SORL1: variants seen among roughly 807,000 people sequenced by gnomAD.
SORL1 encodes sortilin related receptor 1.
Under a neutral mutation model 273.7 loss-of-function variants are expected in SORL1, and 127 were observed. That is an observed-to-expected ratio of 0.46 (90% CI 0.40 to 0.54). The LOEUF (loss-of-function observed/expected upper bound fraction) is 0.54, where lower values mean the gene tolerates loss of function less well. SORL1 is among the 20% of genes least tolerant of loss of function. The pLI is 0.00. For synonymous variants in SORL1, 1,031 were observed against 1,067.4 expected (o/e 0.97, Z 0.66); for missense variants, 2,494 against 2,846.1 (o/e 0.88, Z 2.81).
chr11:121,479,857 C>G (rs1264816608), intron 3 of SORL1, among the ~76,000 whole-genome samples: 1 of 152,150 alleles, frequency 6.6e-6, no homozygotes, highest in Non-Finnish European at 1.5e-5. Flanking sequence ...CCTTTCTTAC[C>G]TAACTCCAGG....
At chr11:121,514,026 T>G (rs1861915943) in intron 7 of SORL1, 126 bp from the exon 8 acceptor site, 1 of 1,041,808 alleles carries the variant, frequency 9.6e-7, no homozygotes, top group Non-Finnish European at 1.4e-6. Flanking sequence ...TTAGGGAGCT[T>G]CCCGTGGGCT....
At chr11:121,622,393 T>A in intron 45 of SORL1, 125 bp downstream of exon 45, 1 of 593,238 alleles carries the variant, frequency 1.7e-6, no homozygotes, top group Non-Finnish European at 3.0e-6. Context: ...GAATAGGACA[T>A]GGACATGAAC....
In SORL1 at chr11:121,469,997, T is replaced by TC; in HGVS notation, c.286-9dup. On this transcript the variant is annotated splice_polypyrimidine_tract_variant and intron_variant, in intron 1 of 47. Transcript: ENST00000260197. ...TCGTGGGTCCTAATTCCTACATTGA[T>TC]CTCTTTCAGGTTAGTCTGAATGATT... is the stretch of plus-strand genomic sequence containing the variant. 6.3e-7 allele frequency: 1 copy of TC among 1,580,272 alleles called. No individual in the cohort carries two copies. Among genetic ancestry groups the TC allele is most frequent in the Non-Finnish European group, 8.7e-7 (1 of 1,149,060 alleles).
In SORL1 at chr11:121,471,416, G is replaced by A. The variant is rs1163150101; in HGVS notation, c.402+1293G>A. 2.6e-5 allele frequency among the ~76,000 whole-genome samples: 4 copies of A among 152,324 alleles called. No individual in the cohort carries two copies. The South Asian group carries it at 8.3e-4, about 32-fold the overall frequency. On this transcript the variant is annotated intron_variant, in intron 2 of 47. Transcript: ENST00000260197. ...AAAACACATGTAAGGGCCAAAGCTCGCCCAACGGCTGGTCCCAGGTCTGCG... is the reference window on the plus strand; with the variant it reads ...AAAACACATGTAAGGGCCAAAGCTCACCCAACGGCTGGTCCCAGGTCTGCG...
intron 22 of SORL1, among the ~76,000 whole-genome samples, chr11:121,569,885 G>A (rs1056568076): frequency 2.0e-5 from 3 of 152,104 alleles, no homozygotes; most frequent in Non-Finnish European, 4.4e-5. Context: ...GGGGCATCAC[G>A]GAACCTGCCG....
At chr11:121,616,500 C>T (rs1156450491) in intron 41 of SORL1, among the ~76,000 whole-genome samples, 1 of 152,188 alleles carries the variant, frequency 6.6e-6, no homozygotes, top group African/African-American at 2.4e-5. Flanking sequence ...AGAGACACCC[C>T]ATCCCTGGCG....
chr11:121,555,113 C>A, intron 17 of SORL1, 74 bp from the exon 18 acceptor site: 2 of 1,474,734 alleles, frequency 1.4e-6, no homozygotes, highest in Non-Finnish European at 1.8e-6. Flanking sequence ...TAAAGGGTTA[C>A]CCTTCATGGG....
chr11:121,519,280 G>C (rs1408572981), intron 8 of SORL1, among the ~76,000 whole-genome samples: 1 of 151,990 alleles, frequency 6.6e-6, no homozygotes, highest in Non-Finnish European at 1.5e-5. Flanking sequence ...TATGAACCCT[G>C]GTTACAATTT....
At chr11:121,579,457 C>A (rs757040973) in intron 25 of SORL1, among the ~76,000 whole-genome samples, 1 of 152,192 alleles carries the variant, frequency 6.6e-6, no homozygotes. Flanking sequence ...CTTTGCTTTT[C>A]TTTTCGCCAC....
Position 121,590,134 on chromosome 11 carries a change from G to A in SORL1, c.4173G>A (p.Glu1391=), listed in dbSNP as rs1203391125. 6.2e-7 allele frequency: 1 copy of A among 1,614,220 alleles called. No individual in the cohort carries two copies. The highest frequency in any genetic ancestry group is 8.5e-7 in the Non-Finnish European group (1 of 1,180,024). ...CCAACAGATGGAAATGTGACAGGGA[G>A]AACGACTGTGGGGACTGGTCTGATG... ...CIPNRWKCDR[E]NDCGDWSDEK... Residue 1391 remains glutamate, a synonymous_variant, in exon 30 of 48, where the codon GAG becomes GAA. Transcript: ENST00000260197.
At chr11:121,558,014 TG>T (rs1024807602) in intron 19 of SORL1, among the ~76,000 whole-genome samples, 11 of 152,238 alleles carry the variant, frequency 7.2e-5, no homozygotes, top group African/African-American at 2.7e-4. Flanking sequence ...CAGCACTTTA[TG>T]AAAAAAATTT....
At chr11:121,587,911 A>G in intron 27 of SORL1, 109 bp from the exon 28 acceptor site, 1 of 1,326,090 alleles carries the variant, frequency 7.5e-7, no homozygotes, top group Non-Finnish European at 1.1e-6. Flanking sequence ...TGTGGCTTTT[A>G]CTGTTGCTTC....
chr11:121,592,110 C>G (rs969129963), intron 31 of SORL1, among the ~76,000 whole-genome samples: 1 of 152,210 alleles, frequency 6.6e-6, no homozygotes, highest in African/African-American at 2.4e-5. Context: ...AAGCTAGATT[C>G]CTGATCTTCT....
intron 31 of SORL1, 85 bp downstream of exon 31, chr11:121,591,241 C>T (rs913299821): frequency 1.1e-5 from 16 of 1,446,290 alleles, no homozygotes; most frequent in East Asian, 9.1e-5. Context: ...ACAATCCAAC[C>T]GGGCCCCATG....
chr11:121,488,247 G>C lies in SORL1; in HGVS notation c.690+54G>C, dbSNP rs904138893. The C allele has an allele frequency of 3.2e-6, 5 of 1,574,546 alleles. No individual in the cohort carries two copies. The African/African-American group carries it at 5.4e-5, about 17-fold the overall frequency. ...TGGGGCTCCTCTAGTTTTCTCCTCT[G>C]CCTGTGTGGATTGTGTGTCCTTTGA... On this transcript the variant is annotated intron_variant, in intron 4 of 47. Coordinates refer to ENST00000260197, the MANE Select transcript of SORL1 (RefSeq NM_003105.6).
At chr11:121,618,190 G>T (rs552018779) in intron 41 of SORL1, among the ~76,000 whole-genome samples, 19 of 152,292 alleles carry the variant, frequency 1.2e-4, no homozygotes, top group African/African-American at 4.6e-4. Flanking sequence ...AGGGAGGTTC[G>T]CAGTTTAGAC....
At chr11:121,547,853 T>C (rs957168900) in intron 14 of SORL1, among the ~76,000 whole-genome samples, 2 of 152,152 alleles carry the variant, frequency 1.3e-5, no homozygotes, top group African/African-American at 2.4e-5. Context: ...GGAAATGAGA[T>C]GAGAATGAGC....
chr11:121,524,358 A>G (rs1862087601), intron 11 of SORL1, among the ~76,000 whole-genome samples: 1 of 152,198 alleles, frequency 6.6e-6, no homozygotes, highest in South Asian at 2.1e-4. Context: ...CCTCCAGTGA[A>G]GTGGTATCGT....
chr11:121,604,678 G>A (rs1863442734), intron 33 of SORL1, among the ~76,000 whole-genome samples: 2 of 152,102 alleles, frequency 1.3e-5, no homozygotes, highest in African/African-American at 4.8e-5. Context: ...CTATGACATG[G>A]TCCTTGGACT....
Sources: allele counts gnomAD v4.1 joint callset (sites outside exome capture counted in the v4.1 genomes callset), GRCh38; gene constraint gnomAD v4.1.1; transcripts MANE v1.5; gene names NCBI Gene and HGNC (gene_info 2026-07-23, HGNC 2026-07-21).